The following COA1 variants were observed in gnomAD, a reference collection of about 807,000 sequenced individuals.
COA1 encodes cytochrome c oxidase assembly factor 1 homolog.
COA1 carries 13 observed loss-of-function variants against 16.0 expected under a neutral mutation model. The ratio of observed to expected loss-of-function variants is 0.81; its 90% confidence interval spans 0.53 to 1.29. The LOEUF is 1.29. COA1 is among the 50% of genes most tolerant of loss of function. The pLI is 0.00. For missense variants in COA1, 179 were observed against 177.0 expected, an observed-to-expected ratio of 1.01 and a Z score of -0.06; for synonymous variants, 65 against 65.7, an observed-to-expected ratio of 0.99 and a Z score of 0.05.
At chr7:43,624,580 A>T in intron 6 of COA1, 2 of 1,614,158 alleles carry the variant, frequency 1.2e-6, no homozygotes, top group Non-Finnish European at 1.7e-6. Context: ...AGTATTCAAG[A>T]GCCTTCTTTC....
intron 1 of COA1, among the ~76,000 whole-genome samples, chr7:43,714,693 G>A (rs1280260150): frequency 5.3e-5 from 8 of 150,528 alleles, no homozygotes; most frequent in Non-Finnish European, 1.0e-4. Context: ...ACACAGACAC[G>A]GGATACTAGA....
At chr7:43,678,395 G>T (rs901496816) in intron 1 of COA1, among the ~76,000 whole-genome samples, 1 of 152,036 alleles carries the variant, frequency 6.6e-6, no homozygotes, top group Admixed American at 6.6e-5. Flanking sequence ...AAACATATGG[G>T]GAAAGTTCTG....
chr7:43,671,097 T>C (rs949361418), intron 1 of COA1, among the ~76,000 whole-genome samples: 36 of 152,254 alleles, frequency 2.4e-4, no homozygotes, highest in Admixed American at 2.2e-3. Context: ...ATAAATGAAG[T>C]TGGAACCCTT....
intron 6 of COA1, chr7:43,625,089 G>T: frequency 3.0e-6 from 1 of 338,650 alleles, no homozygotes; most frequent in Non-Finnish European, 5.4e-6. Flanking sequence ...TGGCACCTTT[G>T]AATTCTACAT....
At chr7:43,653,816 G>A (rs1210490558) in intron 1 of COA1, among the ~76,000 whole-genome samples, 6 of 152,122 alleles carry the variant, frequency 3.9e-5, no homozygotes, top group Non-Finnish European at 5.9e-5. Context: ...TGCCTGGAGA[G>A]AGGGTCCCTG....
chr7:43,641,823 T>C (rs1432576289), intron 4 of COA1: 1 of 151,722 alleles, frequency 6.6e-6, no homozygotes, highest in Non-Finnish European at 1.5e-5. Flanking sequence ...AAAAAAACAG[T>C]GAATGCAATA....
chr7:43,630,909 T>C (rs973970026), intron 6 of COA1, among the ~76,000 whole-genome samples: 1 of 152,262 alleles, frequency 6.6e-6, no homozygotes, highest in East Asian at 1.9e-4. Flanking sequence ...CCATTTATAA[T>C]TGTCTTAAAC....
rs199987361 is a variant in COA1, at chr7:43,624,613, A to C, written c.*133+14836T>G. On this transcript the variant is annotated intron_variant and NMD_transcript_variant, in intron 6 of 6. Transcript: ENST00000415076. ...TTCAGGATGGAAAAGGCACTAGAAG[A>C]AGCAAATGCCCTCCAAGAAGGTCAT... 5.9e-4 allele frequency: 954 copies of C among 1,614,168 alleles called. 9 individuals carry two copies. In the South Asian group the frequency reaches 9.3e-3, roughly 16 times the overall value.
At chr7:43,624,805 C>T (rs749066768) in intron 6 of COA1, 3 of 1,605,726 alleles carry the variant, frequency 1.9e-6, no homozygotes, top group Non-Finnish European at 1.7e-6. Context: ...TTTGAGGAAC[C>T]TTTGCTACAA....
At chr7:43,681,162 T>C (rs2093752653) in intron 1 of COA1, among the ~76,000 whole-genome samples, 1 of 152,194 alleles carries the variant, frequency 6.6e-6, no homozygotes, top group Non-Finnish European at 1.5e-5. Flanking sequence ...CTCAAATAAA[T>C]ACTATAGGAT....
intron 1 of COA1, among the ~76,000 whole-genome samples, chr7:43,698,046 C>T (rs957439391): frequency 1.3e-5 from 2 of 152,164 alleles, no homozygotes; most frequent in Admixed American, 6.5e-5. Context: ...AACCAGAAAG[C>T]GCCTATGTTA....
At chr7:43,685,734 T>A (rs2093993043) in intron 1 of COA1, among the ~76,000 whole-genome samples, 1 of 152,160 alleles carries the variant, frequency 6.6e-6, no homozygotes, top group South Asian at 2.1e-4. Context: ...GTACAAACTG[T>A]CTCACCAAAT....
intron 1 of COA1, among the ~76,000 whole-genome samples, chr7:43,662,287 T>C (rs752119581): frequency 1.6e-4 from 24 of 152,266 alleles, no homozygotes; most frequent in Non-Finnish European, 2.8e-4. Flanking sequence ...TGGAGTGCAG[T>C]GGCACGATCC....
At chr7:43,714,931 C>T (rs960413934) in intron 1 of COA1, among the ~76,000 whole-genome samples, 11 of 145,232 alleles carry the variant, frequency 7.6e-5, no homozygotes, top group East Asian at 4.1e-4. Context: ...CACTTGAGCC[C>T]GGGAGGTAGC....
chr7:43,627,963 G>A (rs2084754688), intron 6 of COA1, among the ~76,000 whole-genome samples: 1 of 152,074 alleles, frequency 6.6e-6, no homozygotes, highest in African/African-American at 2.4e-5. Flanking sequence ...TATATCAGCA[G>A]TTTGTTGCTT....
chr7:43,650,763 A>G (rs900795035), intron 1 of COA1: 2 of 151,484 alleles, frequency 1.3e-5, no homozygotes, highest in Non-Finnish European at 2.9e-5. Context: ...CTTCCAAATG[A>G]CTATGTTTTA....
chr7:43,679,971 T>C (rs2130330318), intron 1 of COA1, among the ~76,000 whole-genome samples: 1 of 151,896 alleles, frequency 6.6e-6, no homozygotes, highest in East Asian at 1.9e-4. Flanking sequence ...AAAATATAAC[T>C]CCAACTAAGA....
At chr7:43,624,594 ATGG>A in intron 6 of COA1, 1 of 1,614,122 alleles carries the variant, frequency 6.2e-7, no homozygotes, top group Non-Finnish European at 8.5e-7. Context: ...TTCTTTCAGG[ATGG>A]AAAAGGCACT....
intron 1 of COA1, among the ~76,000 whole-genome samples, chr7:43,700,120 G>C (rs761850725): frequency 2.0e-5 from 3 of 151,974 alleles, no homozygotes; most frequent in Non-Finnish European, 4.4e-5. Context: ...GGCTTTAATG[G>C]AGCTTGTCCA....
Sources: gnomAD v4.1 joint callset for allele counts (sites outside exome capture counted in the v4.1 genomes callset) on GRCh38, gnomAD v4.1.1 for gene constraint, MANE v1.5 for transcripts, NCBI Gene and HGNC (gene_info 2026-07-23, HGNC 2026-07-21) for gene names.